The following ZFHX3 variants were observed in gnomAD, a reference collection of about 807,000 sequenced individuals.
ZFHX3 encodes the protein zinc finger homeobox protein 3.
A neutral mutation model predicts 279.1 loss-of-function variants in ZFHX3; 42 were observed. The ratio of observed to expected loss-of-function variants is 0.15; its 90% CI spans 0.12 to 0.19. The LOEUF is 0.19. Ranked by LOEUF, ZFHX3 falls within the 10% of genes least tolerant of loss-of-function variation. ZFHX3 has a pLI of 1.00. For synonymous variants in ZFHX3, 2,293 were observed against 1,957.8 expected (o/e 1.17, Z -4.52); for missense variants, 4,981 against 4,754.0 (o/e 1.05, Z -1.40).
chr16:72,976,426 T>A (rs1291061577), intron 1 of ZFHX3, among the ~76,000 whole-genome samples: 1 of 152,238 alleles, frequency 6.6e-6, no homozygotes, highest in Non-Finnish European at 1.5e-5. Context: ...CTCCTCTGCA[T>A]AATACTTATC....
intron 7 of ZFHX3, among the ~76,000 whole-genome samples, chr16:73,110,167 G>A (rs1966354802): frequency 6.6e-6 from 1 of 151,490 alleles, no homozygotes; most frequent in Non-Finnish European, 1.5e-5. Context: ...TTGCGCCACT[G>A]CACTCCAGCC....
intron 4 of ZFHX3, among the ~76,000 whole-genome samples, chr16:72,834,562 G>A (rs2037139013): frequency 6.6e-6 from 1 of 152,176 alleles, no homozygotes; most frequent in Non-Finnish European, 1.5e-5. Context: ...TCTTGGTAAA[G>A]GTGACTGCAC....
intron 2 of ZFHX3, among the ~76,000 whole-genome samples, chr16:73,538,760 A>G (rs1209732554): frequency 1.3e-5 from 2 of 152,238 alleles, no homozygotes; most frequent in Non-Finnish European, 2.9e-5. Context: ...AAGCCGTCAG[A>G]AAAAGTGAAC....
intron 2 of ZFHX3, among the ~76,000 whole-genome samples, chr16:73,551,391 T>C (rs969502317): frequency 7.9e-5 from 12 of 152,186 alleles, no homozygotes; most frequent in Non-Finnish European, 1.6e-4. Flanking sequence ...AAATTATGCA[T>C]CTGTTTTGTC....
At chr16:73,642,567 C>A (rs1268517503) in intron 2 of ZFHX3, among the ~76,000 whole-genome samples, 1 of 152,088 alleles carries the variant, frequency 6.6e-6, no homozygotes, top group Non-Finnish European at 1.5e-5. Flanking sequence ...TTTACATATA[C>A]CAAAATATAA....
rs374350411 is a variant in ZFHX3 at position 72,957,836 on chromosome 16, G to A, written c.2310C>T (p.Ala770=). The A allele has an allele frequency of 1.1e-4, 180 of 1,612,570 alleles. 1 individual carries two copies. Among genetic ancestry groups the A allele is most frequent in the South Asian group, 4.7e-4 (43 of 91,050 alleles). Reference sequence around the variant, plus strand: ...CAGCCACCGCCGCCGCCGCCGCCCCGGCAGTGTGGCTGAAGACCTGCTCCC... The same window carrying A: ...CAGCCACCGCCGCCGCCGCCGCCCCAGCAGTGTGGCTGAAGACCTGCTCCC... ...GGGEQVFSHT[A]GAAAAAVAAA... The change falls in exon 2 of 10, where the codon GCC becomes GCT. Residue 770 remains alanine (A), a synonymous_variant. Transcript: ENST00000268489.
At chr16:72,996,943 C>G (rs2144585360) in intron 1 of ZFHX3, among the ~76,000 whole-genome samples, 1 of 152,304 alleles carries the variant, frequency 6.6e-6, no homozygotes, top group Middle Eastern at 3.4e-3. Flanking sequence ...GACCCCTAAA[C>G]TGGTAAAAGC....
chr16:73,051,495 T>G (rs1965449224), upstream of ZFHX3, among the ~76,000 whole-genome samples: 1 of 152,180 alleles, frequency 6.6e-6, no homozygotes, highest in Non-Finnish European at 1.5e-5. Context: ...GATGTTTTGA[T>G]TCACATTTTT....
chr16:72,829,906 T>C, intron 4 of ZFHX3, 47 bp from the exon 5 acceptor site: 2 of 1,608,612 alleles, frequency 1.2e-6, no homozygotes, highest in Non-Finnish European at 1.7e-6. Context: ...AAAAAGAAGA[T>C]GAAGGACTTT....
At chr16:73,502,089 T>C (rs1206599074) in intron 2 of ZFHX3, among the ~76,000 whole-genome samples, 1 of 152,012 alleles carries the variant, frequency 6.6e-6, no homozygotes, top group East Asian at 1.9e-4. Flanking sequence ...GGTACAGCAT[T>C]AAAAGTTACT....
At chr16:73,214,851 T>TTC (rs1245972256) in intron 5 of ZFHX3, among the ~76,000 whole-genome samples, 6 of 142,286 alleles carry the variant, frequency 4.2e-5, no homozygotes, top group Non-Finnish European at 7.7e-5. Context: ...GCCTTTTTTT[T>TTC]TTTTTTTTTT....
At chr16:73,118,283 G>A (rs951420358) in intron 7 of ZFHX3, among the ~76,000 whole-genome samples, 8 of 152,022 alleles carry the variant, frequency 5.3e-5, no homozygotes, top group South Asian at 2.1e-4. Context: ...ATTTCGGCTC[G>A]CTGCAACCTC....
intron 4 of ZFHX3, among the ~76,000 whole-genome samples, chr16:72,880,095 G>A (rs553583726): frequency 2.0e-5 from 3 of 152,136 alleles, no homozygotes; most frequent in East Asian, 1.9e-4. Context: ...CGTGTGCTGC[G>A]AGCAGGAAAC....
At chr16:73,718,297 G>A (rs2053435893) in intron 1 of ZFHX3, among the ~76,000 whole-genome samples, 2 of 152,152 alleles carry the variant, frequency 1.3e-5, no homozygotes, top group Admixed American at 6.5e-5. Context: ...TGTAATCCCA[G>A]CTACTCGGGA....
intron 3 of ZFHX3, among the ~76,000 whole-genome samples, chr16:72,941,833 A>T (rs1960424787): frequency 1.3e-5 from 2 of 152,204 alleles, no homozygotes; most frequent in South Asian, 4.1e-4. Flanking sequence ...TTCTGCCATT[A>T]GAAAATTTTA....
At chr16:73,336,496 T>A (rs1288814792) in intron 3 of ZFHX3, among the ~76,000 whole-genome samples, 1 of 151,772 alleles carries the variant, frequency 6.6e-6, no homozygotes, top group Non-Finnish European at 1.5e-5. Context: ...TGTTTGATTT[T>A]CTGTTCCTGC....
At chr16:73,756,448 T>C (rs534098649) in intron 1 of ZFHX3, among the ~76,000 whole-genome samples, 233 of 152,188 alleles carry the variant, frequency 1.5e-3, no homozygotes, top group Non-Finnish European at 2.5e-3. Flanking sequence ...CTGAGATCAT[T>C]CACACGACAT....
At chr16:73,615,100 A>G (rs2052286407) in intron 2 of ZFHX3, among the ~76,000 whole-genome samples, 1 of 151,920 alleles carries the variant, frequency 6.6e-6, no homozygotes, top group Non-Finnish European at 1.5e-5. Context: ...CTCTCTTTGA[A>G]CAAATTTCAC....
intron 7 of ZFHX3, among the ~76,000 whole-genome samples, chr16:73,121,914 C>T (rs1183103615): frequency 6.6e-6 from 1 of 152,158 alleles, no homozygotes; most frequent in Non-Finnish European, 1.5e-5. Context: ...CGCACCCAGC[C>T]ATAATTGTGG....
Sources: allele counts gnomAD v4.1 joint callset (sites outside exome capture counted in the v4.1 genomes callset), GRCh38; gene constraint gnomAD v4.1.1; transcripts MANE v1.5; gene names NCBI Gene and HGNC (gene_info 2026-07-23, HGNC 2026-07-21).